DOCK4: variants seen among roughly 807,000 people sequenced by gnomAD.
DOCK4 encodes dedicator of cytokinesis protein 4.
Under a neutral mutation model 268.1 loss-of-function variants are expected in DOCK4, and 97 were observed. That is an observed-to-expected ratio of 0.36 (90% CI 0.31 to 0.43). DOCK4 has a LOEUF of 0.43. Among genes scored for constraint, DOCK4 ranks in the 20% least tolerant of loss-of-function variants. The pLI, the probability that DOCK4 is intolerant of heterozygous loss-of-function variation, is 1.00. For missense variants in DOCK4, 2,145 were observed against 2,455.7 expected (o/e 0.87, Z 2.67); for synonymous variants, 954 against 887.2 (o/e 1.08, Z -1.34).
intron 1 of DOCK4, among the ~76,000 whole-genome samples, chr7:112,046,311 T>C (rs949208184): frequency 5.3e-5 from 8 of 152,248 alleles, no homozygotes; most frequent in African/African-American, 1.9e-4. Context: ...ATTCTTCATT[T>C]GTTCTGCCTT....
At chr7:112,107,190 G>A (rs1333863637) in intron 1 of DOCK4, among the ~76,000 whole-genome samples, 1 of 152,200 alleles carries the variant, frequency 6.6e-6, no homozygotes, top group Non-Finnish European at 1.5e-5. Context: ...GACATGTAAT[G>A]TATACAAATA....
At chr7:111,811,029 A>G (rs1421761216) in intron 28 of DOCK4, among the ~76,000 whole-genome samples, 1 of 152,072 alleles carries the variant, frequency 6.6e-6, no homozygotes, top group Non-Finnish European at 1.5e-5. Flanking sequence ...AAACAAAACC[A>G]GAAACAAAAA....
intron 32 of DOCK4, among the ~76,000 whole-genome samples, chr7:111,785,985 G>A (rs3757646): frequency 0.18 from 27,001 of 151,924 alleles, 2,869 homozygotes; most frequent in East Asian, 0.52. Context: ...TCCCTCTCTC[G>A]GTATCATAAT....
At chr7:112,085,256 T>C (rs1808971172) in intron 1 of DOCK4, among the ~76,000 whole-genome samples, 1 of 152,096 alleles carries the variant, frequency 6.6e-6, no homozygotes, top group African/African-American at 2.4e-5. Flanking sequence ...AATTTCAAAT[T>C]ATCTTTCATA....
chr7:112,130,506 A>C (rs1714687870), intron 1 of DOCK4, among the ~76,000 whole-genome samples: 2 of 152,220 alleles, frequency 1.3e-5, no homozygotes, highest in Admixed American at 6.5e-5. Flanking sequence ...TGCTTTTGTC[A>C]GTTGTTTTTT....
chr7:112,076,849 T>A (rs1808108154), intron 1 of DOCK4, among the ~76,000 whole-genome samples: 1 of 152,152 alleles, frequency 6.6e-6, no homozygotes. Context: ...CAGGAAAGAA[T>A]ACTACATTTA....
At chr7:111,752,422 G>A (rs1463293375) in intron 42 of DOCK4, among the ~76,000 whole-genome samples, 2 of 152,046 alleles carry the variant, frequency 1.3e-5, no homozygotes, top group East Asian at 1.9e-4. Context: ...GTTAGATTCT[G>A]GGTATACAGT....
intron 12 of DOCK4, among the ~76,000 whole-genome samples, chr7:111,923,556 T>C (rs941709493): frequency 6.6e-6 from 1 of 152,220 alleles, no homozygotes; most frequent in African/African-American, 2.4e-5. Context: ...TCACTTCTTT[T>C]ATCTGGGCAT....
chr7:111,772,084 T>C (rs181517073), intron 36 of DOCK4, among the ~76,000 whole-genome samples: 1 of 152,300 alleles, frequency 6.6e-6, no homozygotes, highest in Admixed American at 6.5e-5. Flanking sequence ...GTAGAATAGT[T>C]GTTGCCAGGG....
At chr7:111,739,087 T>G in intron 49 of DOCK4, 47 bp downstream of exon 49, 1 of 1,534,390 alleles carries the variant, frequency 6.5e-7, no homozygotes, top group Non-Finnish European at 9.0e-7. Flanking sequence ...GGTAAGCAAT[T>G]CCAGAATTGT....
chr7:111,973,523 T>C (rs937299277), intron 8 of DOCK4, among the ~76,000 whole-genome samples: 8 of 152,202 alleles, frequency 5.3e-5, no homozygotes, highest in African/African-American at 1.9e-4. Flanking sequence ...ATAAGACTTA[T>C]CTGCAACATA....
At chr7:111,834,753 TAC>T in intron 25 of DOCK4, 67 bp from the exon 26 acceptor site, 16 of 1,043,170 alleles carry the variant, frequency 1.5e-5, no homozygotes, top group Non-Finnish European at 2.2e-5. Context: ...ATCAGTAACT[TAC>T]ACTGAACTGT....
intron 1 of DOCK4, among the ~76,000 whole-genome samples, chr7:112,131,864 G>C (rs148897425): frequency 1.3e-5 from 2 of 152,144 alleles, no homozygotes; most frequent in Non-Finnish European, 2.9e-5. Flanking sequence ...CTATTGGTAT[G>C]GGGGGAGGAG....
At chr7:112,154,436 T>C (rs1816414436) in intron 1 of DOCK4, among the ~76,000 whole-genome samples, 1 of 152,210 alleles carries the variant, frequency 6.6e-6, no homozygotes, top group Admixed American at 6.5e-5. Flanking sequence ...TTGACTCCTT[T>C]TTCTTTGCAC....
At chr7:111,736,647 G>T (rs1339390695) in intron 50 of DOCK4, among the ~76,000 whole-genome samples, 1 of 152,190 alleles carries the variant, frequency 6.6e-6, no homozygotes, top group African/African-American at 2.4e-5. Flanking sequence ...AGGAGGCATT[G>T]CCTGGGTGAC....
At chr7:111,976,921 C>T (rs906226968) in intron 8 of DOCK4, 44 of 463,176 alleles carry the variant, frequency 9.5e-5, no homozygotes, top group African/African-American at 8.2e-4. Flanking sequence ...ATTCTATAGC[C>T]CTTATGAATT....
intron 12 of DOCK4, among the ~76,000 whole-genome samples, chr7:111,933,149 C>T (rs1247127563): frequency 1.6e-5 from 2 of 124,360 alleles, no homozygotes; most frequent in Non-Finnish European, 3.4e-5. Flanking sequence ...CATATATATA[C>T]GTATATACAC....
intron 8 of DOCK4, among the ~76,000 whole-genome samples, chr7:111,952,263 T>C (rs1196772194): frequency 1.3e-5 from 2 of 152,190 alleles, no homozygotes; most frequent in African/African-American, 4.8e-5. Flanking sequence ...CCTCTAATGA[T>C]GACAAGTGTG....
At chr7:112,191,023 C>T (rs1484203267) in intron 1 of DOCK4, among the ~76,000 whole-genome samples, 1 of 152,182 alleles carries the variant, frequency 6.6e-6, no homozygotes, top group Non-Finnish European at 1.5e-5. Context: ...TGGGAATCCT[C>T]CCTTTTTTCT....
Sources: allele counts gnomAD v4.1 joint callset (sites outside exome capture counted in the v4.1 genomes callset), GRCh38; gene constraint gnomAD v4.1.1; transcripts MANE v1.5; gene names NCBI Gene and HGNC (gene_info 2026-07-23, HGNC 2026-07-21).